PTPRM: variants seen among roughly 807,000 people sequenced by gnomAD.
The protein encoded by PTPRM is receptor-type tyrosine-protein phosphatase mu.
Under a neutral mutation model 186.7 loss-of-function variants are expected in PTPRM, and 47 were observed. That is an observed-to-expected ratio of 0.25 (90% CI 0.20 to 0.32). The LOEUF is 0.32. Among genes scored for constraint, PTPRM ranks in the 10% least tolerant of loss-of-function variants. The probability of loss-of-function intolerance (pLI) is 1.00; values close to 1 mark genes in which losing one functional copy is unlikely to be tolerated. For synonymous variants in PTPRM, 668 were observed against 674.9 expected (o/e 0.99, Z 0.16); for missense variants, 1,494 against 1,865.0 (o/e 0.80, Z 3.66).
intron 11 of PTPRM, among the ~76,000 whole-genome samples, chr18:8,112,774 A>G (rs2145701232): frequency 6.6e-6 from 1 of 152,300 alleles, no homozygotes; most frequent in East Asian, 1.9e-4. Context: ...CCTACTCCTT[A>G]GTGGGGCTGT....
intron 3 of PTPRM, among the ~76,000 whole-genome samples, chr18:7,892,954 C>T (rs2049156964): frequency 6.6e-6 from 1 of 152,168 alleles, no homozygotes; most frequent in African/African-American, 2.4e-5. Context: ...CTAATACCAC[C>T]ATTTTTGGGA....
intron 1 of PTPRM, among the ~76,000 whole-genome samples, chr18:7,735,932 T>C (rs1018123679): frequency 6.6e-6 from 1 of 152,126 alleles, no homozygotes; most frequent in Non-Finnish European, 1.5e-5. Flanking sequence ...GAATCCTTCT[T>C]TGACCTGAAA....
intron 30 of PTPRM, 78 bp downstream of exon 30, chr18:8,384,764 C>T: frequency 1.9e-6 from 3 of 1,553,424 alleles, no homozygotes. Context: ...AGCACTCACT[C>T]TATGTCAGTC....
chr18:7,833,642 G>A (rs550733437), intron 2 of PTPRM, among the ~76,000 whole-genome samples: 4 of 152,202 alleles, frequency 2.6e-5, no homozygotes, highest in Admixed American at 2.6e-4. Context: ...GCTGAGGTAG[G>A]AGAATCACTT....
chr18:7,717,843 T>G (rs1283819137), intron 1 of PTPRM, among the ~76,000 whole-genome samples: 1 of 152,098 alleles, frequency 6.6e-6, no homozygotes, highest in Non-Finnish European at 1.5e-5. Context: ...CAGCAAGTCT[T>G]GAGTGAGTGG....
At chr18:8,304,395 T>C (rs914618375) in intron 20 of PTPRM, among the ~76,000 whole-genome samples, 1 of 152,160 alleles carries the variant, frequency 6.6e-6, no homozygotes, top group Non-Finnish European at 1.5e-5. Flanking sequence ...GGATTATAAT[T>C]CTTCAACGCT....
At chr18:7,780,265 C>T (rs373319598) in intron 2 of PTPRM, among the ~76,000 whole-genome samples, 5 of 152,136 alleles carry the variant, frequency 3.3e-5, no homozygotes, top group African/African-American at 1.2e-4. Flanking sequence ...GATTGGGTGG[C>T]ATTATCCTCA....
chr18:7,912,127 C>T (rs536239211), intron 4 of PTPRM, among the ~76,000 whole-genome samples: 11 of 152,256 alleles, frequency 7.2e-5, no homozygotes, highest in Non-Finnish European at 1.2e-4. Context: ...GCTGGGATTA[C>T]AGGCATAAGC....
At chr18:8,368,576 A>G (rs2095646159) in intron 23 of PTPRM, among the ~76,000 whole-genome samples, 1 of 152,128 alleles carries the variant, frequency 6.6e-6, no homozygotes, top group Non-Finnish European at 1.5e-5. Flanking sequence ...TTGCCAACTA[A>G]AGGTAATGAG....
intron 2 of PTPRM, among the ~76,000 whole-genome samples, chr18:7,795,472 A>G (rs1232306203): frequency 2.2e-5 from 3 of 138,250 alleles, no homozygotes; most frequent in African/African-American, 8.7e-5. Context: ...TTGTTCTGGA[A>G]AAAAAAAAAA....
intron 23 of PTPRM, among the ~76,000 whole-genome samples, chr18:8,353,300 GTGTTTGTTTGTTCACTTT>G (rs1187168367): frequency 6.6e-6 from 1 of 152,158 alleles, no homozygotes; most frequent in Non-Finnish European, 1.5e-5. Flanking sequence ...GGCAGTGTGT[GTGTTTGTTTGTTCACTTT>G]AATGGAAGGC....
rs922410792 is a variant in PTPRM, at chr18:7,717,805, T to G, written c.74-56344T>G. Among the ~76,000 whole-genome samples the G allele has an allele frequency of 2.0e-5, 3 of 152,280 alleles. No homozygotes were observed. In the South Asian group the frequency reaches 6.2e-4, roughly 32 times the overall value. ...GCTGGTTCCAGCACCCACTCACCTGTGTGCTCCCTCCTGCAAGGAGTGGAA... is the reference window on the plus strand; with the variant it reads ...GCTGGTTCCAGCACCCACTCACCTGGGTGCTCCCTCCTGCAAGGAGTGGAA... On this transcript the variant is annotated intron_variant, in intron 1 of 32. Coordinates refer to ENST00000580170, the MANE Select transcript of PTPRM (RefSeq NM_001105244.2).
chr18:7,843,960 T>C (rs1471992843), intron 2 of PTPRM, among the ~76,000 whole-genome samples: 3 of 152,202 alleles, frequency 2.0e-5, no homozygotes, highest in East Asian at 3.9e-4. Context: ...AACATACATA[T>C]GGCCTCTTCA....
At chr18:7,590,417 G>C (rs1485052156) in intron 1 of PTPRM, among the ~76,000 whole-genome samples, 2 of 152,072 alleles carry the variant, frequency 1.3e-5, no homozygotes, top group Admixed American at 6.6e-5. Flanking sequence ...ACACCTGGAG[G>C]GTGGAAAGAT....
intron 21 of PTPRM, among the ~76,000 whole-genome samples, chr18:8,316,257 G>A (rs115590589): frequency 6.6e-6 from 1 of 152,188 alleles, no homozygotes; most frequent in Non-Finnish European, 1.5e-5. Flanking sequence ...AGTGTCCTAG[G>A]CATCTTACTT....
chr18:7,979,830 T>A (rs1164445764), intron 7 of PTPRM, among the ~76,000 whole-genome samples: 1 of 152,130 alleles, frequency 6.6e-6, no homozygotes, highest in Non-Finnish European at 1.5e-5. Context: ...TGCACTGGCA[T>A]TTCCAGTGAA....
intron 11 of PTPRM, among the ~76,000 whole-genome samples, chr18:8,108,256 T>G (rs2091607990): frequency 6.6e-6 from 1 of 152,106 alleles, no homozygotes; most frequent in Non-Finnish European, 1.5e-5. Context: ...AAGCCAAAAG[T>G]CACTACTAGA....
At chr18:8,010,746 G>A (rs1453028681) in intron 7 of PTPRM, among the ~76,000 whole-genome samples, 1 of 152,104 alleles carries the variant, frequency 6.6e-6, no homozygotes, top group Admixed American at 6.6e-5. Context: ...CATACTTTGA[G>A]GCTGAAGGTG....
chr18:8,025,694 T>A (rs2085526928), intron 7 of PTPRM, among the ~76,000 whole-genome samples: 1 of 152,216 alleles, frequency 6.6e-6, no homozygotes, highest in Non-Finnish European at 1.5e-5. Flanking sequence ...TAGAAAAATA[T>A]CTTGACCTAA....
Sources: allele counts gnomAD v4.1 joint callset (sites outside exome capture counted in the v4.1 genomes callset), GRCh38; gene constraint gnomAD v4.1.1; transcripts MANE v1.5; gene names NCBI Gene and HGNC (gene_info 2026-07-23, HGNC 2026-07-21).